Variants in MACROD2 observed in about 807,000 individuals in gnomAD.
MACROD2 encodes the protein mono-ADP ribosylhydrolase 2, also known as ADP-ribose glycohydrolase MACROD2.
In MACROD2, 36 loss-of-function variants were observed where a neutral mutation model predicts 70.4. The observed-to-expected ratio is 0.51, with a 90% CI of 0.39 to 0.68. MACROD2 has a LOEUF of 0.68. Ranked by LOEUF, MACROD2 falls within the 30% of genes least tolerant of loss-of-function variation. The pLI is 0.00. For missense variants in MACROD2, 496 were observed against 538.4 expected, an observed-to-expected ratio of 0.92 and a Z score of 0.78; for synonymous variants, 172 against 178.8, an observed-to-expected ratio of 0.96 and a Z score of 0.30.
intron 5 of MACROD2, among the ~76,000 whole-genome samples, chr20:14,791,527 T>TA (rs2072450938): frequency 6.6e-6 from 1 of 151,990 alleles, no homozygotes; most frequent in Non-Finnish European, 1.5e-5. Flanking sequence ...GATATATATA[T>TA]TTTTTTCTCT....
Position 15,587,221 on chromosome 20 carries a change from CT to C in MACROD2, c.645+87375del, listed in dbSNP as rs2048614993. On this transcript the variant is annotated intron_variant, in intron 8 of 17. Transcript: ENST00000684519. Reference sequence around the variant, plus strand: ...GAGGAGGAAGCAAAAGTGCAAACCCCTGATAAACCCATCAGATCTTGTGAGA... The same window carrying C: ...GAGGAGGAAGCAAAAGTGCAAACCCCGATAAACCCATCAGATCTTGTGAGA... Among the ~76,000 whole-genome samples, 3 of 152,266 alleles carry C rather than the reference CT, an allele frequency of 2.0e-5. No individual in the cohort carries two copies. In the South Asian group the frequency reaches 6.2e-4, roughly 32 times the overall value.
At chr20:14,199,406 T>C (rs977187963) in intron 3 of MACROD2, among the ~76,000 whole-genome samples, 3 of 152,224 alleles carry the variant, frequency 2.0e-5, no homozygotes, top group Non-Finnish European at 4.4e-5. Context: ...GACAGCTGCA[T>C]AGTTAACAAT....
chr20:15,154,005 G>C (rs1187311859), intron 5 of MACROD2, among the ~76,000 whole-genome samples: 1 of 152,148 alleles, frequency 6.6e-6, no homozygotes, highest in African/African-American at 2.4e-5. Flanking sequence ...ATTTTTCAAA[G>C]GATTTTAGTC....
At chr20:15,125,455 C>G (rs1458185978) in intron 5 of MACROD2, among the ~76,000 whole-genome samples, 1 of 152,058 alleles carries the variant, frequency 6.6e-6, no homozygotes, top group Non-Finnish European at 1.5e-5. Flanking sequence ...GAAATCCACT[C>G]ATTCATTTAT....
At chr20:14,011,175 G>T (rs571618125) in intron 2 of MACROD2, among the ~76,000 whole-genome samples, 1 of 152,052 alleles carries the variant, frequency 6.6e-6, no homozygotes, top group Non-Finnish European at 1.5e-5. Context: ...GGTGGCCAGG[G>T]GCATTGTACA....
intron 12 of MACROD2, among the ~76,000 whole-genome samples, chr20:15,956,225 A>G (rs2065974799): frequency 6.6e-6 from 1 of 152,176 alleles, no homozygotes; most frequent in Non-Finnish European, 1.5e-5. Context: ...GTTCTTAAGG[A>G]GTTCTTGCCT....
At chr20:15,653,040 A>C (rs1177681002) in intron 8 of MACROD2, among the ~76,000 whole-genome samples, 1 of 152,202 alleles carries the variant, frequency 6.6e-6, no homozygotes, top group Non-Finnish European at 1.5e-5. Context: ...GATCTAAAAG[A>C]TAATACATTA....
At chr20:14,860,994 C>T (rs944864139) in intron 5 of MACROD2, among the ~76,000 whole-genome samples, 3 of 151,942 alleles carry the variant, frequency 2.0e-5, no homozygotes, top group Non-Finnish European at 2.9e-5. Flanking sequence ...TTTATGTGTT[C>T]ATCTCATGTT....
chr20:14,217,367 A>G (rs186195549), intron 3 of MACROD2, among the ~76,000 whole-genome samples: 72 of 152,336 alleles, frequency 4.7e-4, no homozygotes, highest in African/African-American at 1.7e-3. Context: ...CCACTTGATC[A>G]TGGTGGATTA....
At chr20:14,615,302 G>A (rs1015318347) in intron 4 of MACROD2, among the ~76,000 whole-genome samples, 3 of 152,204 alleles carry the variant, frequency 2.0e-5, no homozygotes, top group South Asian at 4.1e-4. Flanking sequence ...GTTCTTCCCC[G>A]GATAGGGGAA....
At chr20:15,279,281 A>G (rs1237613509) in intron 6 of MACROD2, among the ~76,000 whole-genome samples, 2 of 152,146 alleles carry the variant, frequency 1.3e-5, no homozygotes, top group African/African-American at 2.4e-5. Context: ...CTTCTTTACA[A>G]TTACCCATAT....
intron 3 of MACROD2, among the ~76,000 whole-genome samples, chr20:14,161,191 CT>C (rs376789442): frequency 1.9e-3 from 265 of 136,816 alleles, no homozygotes; most frequent in East Asian, 7.8e-3. Flanking sequence ...TTTTCTTTTT[CT>C]TTTTTTTTTT....
intron 15 of MACROD2, among the ~76,000 whole-genome samples, chr20:16,038,483 C>T (rs1348933893): frequency 2.0e-5 from 3 of 150,312 alleles, no homozygotes; most frequent in Admixed American, 6.6e-5. Context: ...TCAACTGGGT[C>T]TACCTGCTGT....
intron 7 of MACROD2, among the ~76,000 whole-genome samples, chr20:15,443,472 T>C (rs894914615): frequency 3.3e-5 from 5 of 152,164 alleles, no homozygotes; most frequent in African/African-American, 9.7e-5. Context: ...CAAATTGAAC[T>C]GAAATTAACA....
intron 6 of MACROD2, among the ~76,000 whole-genome samples, chr20:15,345,297 ACTTCT>A (rs369078570): frequency 8.3e-4 from 126 of 152,326 alleles, no homozygotes; most frequent in African/African-American, 2.9e-3. Context: ...GGTTTACTAT[ACTTCT>A]CTTATGTGCC....
At chr20:14,227,917 C>A (rs920706657) in intron 3 of MACROD2, among the ~76,000 whole-genome samples, 1 of 152,148 alleles carries the variant, frequency 6.6e-6, no homozygotes, top group Non-Finnish European at 1.5e-5. Flanking sequence ...TGTTCAGTCT[C>A]TCTTTGTCTT....
chr20:15,367,101 C>G (rs2045421517), intron 6 of MACROD2, among the ~76,000 whole-genome samples: 1 of 150,292 alleles, frequency 6.7e-6, no homozygotes, highest in Non-Finnish European at 1.5e-5. Context: ...GATCTCGGCT[C>G]ACTGTAACCT....
At chr20:15,279,511 C>A (rs2077424398) in intron 6 of MACROD2, among the ~76,000 whole-genome samples, 1 of 152,088 alleles carries the variant, frequency 6.6e-6, no homozygotes, top group Admixed American at 6.5e-5. Flanking sequence ...TACCAGACTC[C>A]AAGAATACAA....
intron 8 of MACROD2, among the ~76,000 whole-genome samples, chr20:15,725,717 A>T (rs2146941715): frequency 6.6e-6 from 1 of 152,156 alleles, no homozygotes; most frequent in South Asian, 2.1e-4. Context: ...GATTTTTTGT[A>T]CATATACTTT....
Sources: gnomAD v4.1 joint callset for allele counts (sites outside exome capture counted in the v4.1 genomes callset) on GRCh38, gnomAD v4.1.1 for gene constraint, MANE v1.5 for transcripts, NCBI Gene and HGNC (gene_info 2026-07-23, HGNC 2026-07-21) for gene names.